The following RBPMS2 variants were observed in gnomAD, a reference collection of about 807,000 sequenced individuals.
The protein encoded by RBPMS2 is RNA-binding protein with multiple splicing 2.
A neutral mutation model predicts 25.7 loss-of-function variants in RBPMS2; 14 were observed. The ratio of observed to expected loss-of-function variants is 0.55; its 90% CI spans 0.36 to 0.85. The LOEUF is 0.85. RBPMS2 is among the 40% of genes least tolerant of loss of function. The pLI is 0.01. For missense variants in RBPMS2, 252 were observed against 283.4 expected, an observed-to-expected ratio of 0.89 and a Z score of 0.80; for synonymous variants, 127 against 115.6, an observed-to-expected ratio of 1.10 and a Z score of -0.63.
chr15:64,757,385 C>T (rs1267524725), intron 1 of RBPMS2, among the ~76,000 whole-genome samples: 1 of 152,178 alleles, frequency 6.6e-6, no homozygotes, highest in Non-Finnish European at 1.5e-5. Flanking sequence ...AGGGCTCCTG[C>T]ATTTACCTGC....
At chr15:64,742,783 T>C (rs1297459649) in intron 6 of RBPMS2, among the ~76,000 whole-genome samples, 1 of 152,172 alleles carries the variant, frequency 6.6e-6, no homozygotes, top group African/African-American at 2.4e-5. Context: ...GACAGCTCCC[T>C]TGAGGTTGGA....
chr15:64,772,083 T>C (rs897616212), intron 1 of RBPMS2, among the ~76,000 whole-genome samples: 4 of 152,234 alleles, frequency 2.6e-5, no homozygotes, highest in African/African-American at 7.2e-5. Context: ...TGTATTATTT[T>C]TTATTATTGT....
rs1206049711 is a variant in RBPMS2, at chr15:64,775,283, T to C, written c.37A>G (p.Ser13Gly). The change falls in exon 1 of 8, where the codon AGC (serine) becomes GGC (glycine). Residue 13 changes from serine (S) to glycine (G), a missense_variant. Transcript: ENST00000300069. ...NLKPDGEHGG[S>G]TGTGSGAGSG... is the part of the protein sequence containing the mutation. ...CCCGCGCCGGAGCCGGTGCCGGTGCTGCCGCCGTGCTCGCCGTCCGGCTTC... is the reference window on the plus strand; with the variant it reads ...CCCGCGCCGGAGCCGGTGCCGGTGCCGCCGCCGTGCTCGCCGTCCGGCTTC... 7.4e-6 allele frequency: 10 copies of C among 1,353,212 alleles called. No homozygotes were observed. The highest frequency in any genetic ancestry group is 9.6e-6 in the Non-Finnish European group (10 of 1,045,720). The allele number at this position is 1,353,212 out of a possible 1,614,324, so 83.8% of individuals were successfully genotyped here.
At chr15:64,749,405 A>T (rs2083653417) in intron 4 of RBPMS2, 26 bp downstream of exon 4, 8 of 1,601,918 alleles carry the variant, frequency 5.0e-6, no homozygotes, top group Admixed American at 1.7e-5. Flanking sequence ...TGTGAGTCAG[A>T]GAAGACCTGT....
intron 6 of RBPMS2, among the ~76,000 whole-genome samples, chr15:64,743,123 C>T (rs2083578800): frequency 6.6e-6 from 1 of 152,332 alleles, no homozygotes; most frequent in African/African-American, 2.4e-5. Context: ...ATGTAGCCTC[C>T]GGCAGCCCCA....
At chr15:64,774,966 G>A in intron 1 of RBPMS2, among the ~76,000 whole-genome samples, 1 of 150,874 alleles carries the variant, frequency 6.6e-6, no homozygotes, top group Non-Finnish European at 1.5e-5. Flanking sequence ...CTCGCCCACC[G>A]CGGGACGCCC....
At position 64,741,220 on chromosome 15, in the gene RBPMS2, T is replaced by A; in HGVS notation, c.590A>T (p.Asp197Val). The part of the protein sequence containing the change: ...HAQVRWYPSS[D>V]TTQQGWKYRQ... Reference sequence around the variant, plus strand: ...GTACTTCCATCCTTGCTGGGTGGTGTCAGAGGAAGGGTACCAGCGCACCTG... The same window carrying A: ...GTACTTCCATCCTTGCTGGGTGGTGACAGAGGAAGGGTACCAGCGCACCTG... The change falls in exon 7 of 8, where the codon GAC becomes GTC. Residue 197 changes from aspartate (D) to valine (V), a missense_variant. Transcript: ENST00000300069. The A allele has an allele frequency of 6.3e-7, 1 of 1,592,578 alleles. No homozygotes were observed. Among genetic ancestry groups the A allele is most frequent in the Non-Finnish European group, 8.6e-7 (1 of 1,169,524 alleles).
Position 64,741,301 on chromosome 15 carries a change from A to G in RBPMS2, c.568-59T>C. 3.6e-6 allele frequency: 5 copies of G among 1,390,302 alleles called. No individual in the cohort carries two copies. In the South Asian group the frequency reaches 5.0e-5, roughly 14 times the overall value. The allele number at this position is 1,390,302 out of a possible 1,614,324, so 86.1% of individuals were successfully genotyped here. A position where few individuals can be genotyped will look rare whatever the true frequency, so the allele number is the denominator to read the frequency against. ...GCATCCCTTCCCTCAACAGGAAGCCAGGTAACCATGGCCATCGGTGTCCCC... is the reference window on the plus strand; with the variant it reads ...GCATCCCTTCCCTCAACAGGAAGCCGGGTAACCATGGCCATCGGTGTCCCC... On this transcript the variant is annotated intron_variant, in intron 6 of 7. Transcript: ENST00000300069.
At chr15:64,753,092 GATCC>G (rs2083698043) in intron 1 of RBPMS2, among the ~76,000 whole-genome samples, 1 of 152,020 alleles carries the variant, frequency 6.6e-6, no homozygotes, top group Non-Finnish European at 1.5e-5. Flanking sequence ...CCATAGCTTA[GATCC>G]ATTCAAAACA....
rs1347714839 is a variant in RBPMS2 at position 64,775,414 on chromosome 15, C to T, written c.-95G>A. 1.1e-4 allele frequency: 51 copies of T among 470,352 alleles called. No homozygotes were observed. Among genetic ancestry groups the T allele is most frequent in the Admixed American group, 1.7e-4 (3 of 17,144 alleles). The allele number at this position is 470,352 out of a possible 1,614,324, so 29.1% of individuals were successfully genotyped here. ...AGGGGCGCGGGGAGCGGTGCGCTCG[C>T]GGGTGCGGAGCGGGTGGCGGGGGAC... On this transcript the variant is annotated 5_prime_UTR_variant, in exon 1 of 8. Transcript: ENST00000300069.
chr15:64,753,203 G>A (rs543272530), intron 1 of RBPMS2, among the ~76,000 whole-genome samples: 59 of 152,240 alleles, frequency 3.9e-4, no homozygotes, highest in Middle Eastern at 3.4e-3. Flanking sequence ...CTCCTCCTGC[G>A]AAGCCAAGCA....
chr15:64,749,245 C>T, intron 4 of RBPMS2, 95 bp from the exon 5 acceptor site: 1 of 1,474,252 alleles, frequency 6.8e-7, no homozygotes, highest in Non-Finnish European at 9.5e-7. Context: ...ACAAGCTCGC[C>T]TCGAAGACCT....
intron 6 of RBPMS2, 77 bp downstream of exon 6, chr15:64,748,342 C>T: frequency 2.7e-6 from 4 of 1,474,226 alleles, no homozygotes; most frequent in Non-Finnish European, 1.9e-6. Flanking sequence ...CAGCAGCGGC[C>T]AAGTGGCCAG....
In RBPMS2 at chr15:64,751,542, C is replaced by G; in HGVS notation, c.165+19G>C. ...AGGGTCCCAGGCTCTACCCAGGGGG[C>G]GGCTGGGTCCTGACTCACCTTGAAC... On this transcript the variant is annotated intron_variant, in intron 2 of 7. Transcript: ENST00000300069. The G allele has an allele frequency of 6.2e-7, 1 of 1,609,586 alleles. No homozygotes were observed. The highest frequency in any genetic ancestry group is 1.1e-5 in the South Asian group (1 of 90,970).
intron 1 of RBPMS2, among the ~76,000 whole-genome samples, chr15:64,753,697 C>T (rs1257166329): frequency 6.6e-6 from 1 of 152,120 alleles, no homozygotes; most frequent in African/African-American, 2.4e-5. Flanking sequence ...TCCCTTGGGA[C>T]ACGTCTTCCC....
At chr15:64,753,169 C>T (rs2083698922) in intron 1 of RBPMS2, among the ~76,000 whole-genome samples, 1 of 152,218 alleles carries the variant, frequency 6.6e-6, no homozygotes, top group Non-Finnish European at 1.5e-5. Context: ...TCCCTACACG[C>T]TTGACTCCTG....
chr15:64,773,050 A>ACGG (rs2083903388), intron 1 of RBPMS2, among the ~76,000 whole-genome samples: 1 of 152,188 alleles, frequency 6.6e-6, no homozygotes, highest in African/African-American at 2.4e-5. Context: ...TTGAGGTCTT[A>ACGG]CGGCGTGCAG....
At chr15:64,759,075 G>A (rs2141068915) in intron 1 of RBPMS2, among the ~76,000 whole-genome samples, 1 of 152,148 alleles carries the variant, frequency 6.6e-6, no homozygotes, top group South Asian at 2.1e-4. Context: ...ATAGGTGTGA[G>A]CCACCTCACC....
chr15:64,772,645 T>G (rs2083900313), intron 1 of RBPMS2, among the ~76,000 whole-genome samples: 1 of 152,044 alleles, frequency 6.6e-6, no homozygotes, highest in Non-Finnish European at 1.5e-5. Flanking sequence ...TACATGCGAC[T>G]CCCTCCTCTT....
Sources: gnomAD v4.1 joint callset for allele counts (sites outside exome capture counted in the v4.1 genomes callset) on GRCh38, gnomAD v4.1.1 for gene constraint, MANE v1.5 for transcripts, NCBI Gene and HGNC (gene_info 2026-07-23, HGNC 2026-07-21) for gene names.